Variants in GRID1 observed in about 807,000 individuals in gnomAD.
GRID1 encodes the protein glutamate receptor ionotropic, delta-1.
In GRID1, 28 loss-of-function variants were observed where a neutral mutation model predicts 98.0. That is an observed-to-expected ratio of 0.29 (90% CI 0.21 to 0.39). The LOEUF is 0.39. Ranked by LOEUF, GRID1 falls within the 10% of genes least tolerant of loss-of-function variation. GRID1 has a pLI of 1.00. For missense variants in GRID1, 1,111 were observed against 1,340.5 expected (o/e 0.83, Z 2.67); for synonymous variants, 553 against 538.5 (o/e 1.03, Z -0.37).
At chr10:85,633,605 C>T (rs761594201) in intron 13 of GRID1, among the ~76,000 whole-genome samples, 5 of 152,272 alleles carry the variant, frequency 3.3e-5, no homozygotes, top group Middle Eastern at 3.4e-3. Context: ...TTAATATTAA[C>T]GAACATCCCT....
Position 85,729,576 on chromosome 10 carries a change from G to A in GRID1, c.1272C>T (p.Ser424=). ...GGCTGCCCATGGGCCTCTCTTGCAA[G>A]CTGCCATTCAAGCCCTTCTCTGAGT... ...TWDSEKGLNG[S]LQERPMGSRL... The change falls in exon 9 of 16, where the codon AGC becomes AGT. Residue 424 remains serine, a synonymous_variant. Coordinates refer to ENST00000327946, the MANE Select transcript of GRID1 (RefSeq NM_017551.3). 1 of 1,613,136 alleles carries A rather than the reference G, an allele frequency of 6.2e-7. No homozygotes were observed. Among genetic ancestry groups the A allele is most frequent in the East Asian group, 2.2e-5 (1 of 44,852 alleles).
chr10:86,332,666 T>A (rs1848163726), intron 2 of GRID1, among the ~76,000 whole-genome samples: 2 of 152,076 alleles, frequency 1.3e-5, no homozygotes, highest in Admixed American at 1.3e-4. Flanking sequence ...CCACAGTGAC[T>A]CCCGAAGTGA....
intron 2 of GRID1, among the ~76,000 whole-genome samples, chr10:86,251,350 TAAAAAAAAAA>T (rs61715346): frequency 7.0e-6 from 1 of 142,810 alleles, no homozygotes; most frequent in Admixed American, 6.8e-5. Flanking sequence ...CAATAAATAC[TAAAAAAAAAA>T]AAAAAAAAAA....
intron 4 of GRID1, among the ~76,000 whole-genome samples, chr10:86,043,988 G>A (rs1843384290): frequency 6.6e-6 from 1 of 152,142 alleles, no homozygotes; most frequent in Non-Finnish European, 1.5e-5. Flanking sequence ...ACCTACATGT[G>A]CTCAATAGTA....
rs577585031 is a variant in GRID1, at chr10:85,816,863, T to TC, written c.1233+37632dup. On this transcript the variant is annotated intron_variant, in intron 8 of 15. Coordinates refer to ENST00000327946, the MANE Select transcript of GRID1 (RefSeq NM_017551.3). The stretch of plus-strand genomic sequence containing the variant: ...CTGATCCTCTCCCTCCTTCCACTCT[T>TC]CACCCTCAAGTAGACCCCAGAATCT... Among the ~76,000 whole-genome samples the TC allele has an allele frequency of 2.0e-4, 31 of 152,256 alleles. No homozygotes were observed. The East Asian group carries it at 5.8e-3, about 28-fold the overall frequency.
intron 12 of GRID1, among the ~76,000 whole-genome samples, chr10:85,659,918 T>G (rs1291971816): frequency 6.6e-6 from 1 of 152,220 alleles, no homozygotes; most frequent in Non-Finnish European, 1.5e-5. Flanking sequence ...CAAGTTGAGC[T>G]TGTTGAGCTG....
At chr10:85,733,108 A>G (rs1203697650) in intron 8 of GRID1, among the ~76,000 whole-genome samples, 1 of 152,252 alleles carries the variant, frequency 6.6e-6, no homozygotes, top group African/African-American at 2.4e-5. Context: ...CCATTAAGAC[A>G]TAACATTAGA....
chr10:86,167,778 T>C (rs926635181), intron 3 of GRID1, among the ~76,000 whole-genome samples: 1 of 152,226 alleles, frequency 6.6e-6, no homozygotes, highest in Non-Finnish European at 1.5e-5. Context: ...TCTGCCTTTC[T>C]CACAGAAGCA....
At chr10:86,355,015 G>A (rs1848515338) in intron 2 of GRID1, among the ~76,000 whole-genome samples, 3 of 152,188 alleles carry the variant, frequency 2.0e-5, no homozygotes, top group South Asian at 2.1e-4. Context: ...CCCAGAACAG[G>A]AAGTGAGAGG....
At chr10:86,063,667 A>G (rs1843679371) in intron 4 of GRID1, among the ~76,000 whole-genome samples, 1 of 152,218 alleles carries the variant, frequency 6.6e-6, no homozygotes, top group African/African-American at 2.4e-5. Flanking sequence ...GTGAATATAT[A>G]TTGATATGGA....
At chr10:85,695,900 T>C (rs1438026224) in intron 12 of GRID1, among the ~76,000 whole-genome samples, 1 of 152,172 alleles carries the variant, frequency 6.6e-6, no homozygotes, top group Admixed American at 6.5e-5. Flanking sequence ...GCTTCCTAGC[T>C]ATTATGGACA....
intron 8 of GRID1, among the ~76,000 whole-genome samples, chr10:85,804,364 A>C (rs562269338): frequency 4.8e-4 from 73 of 152,082 alleles, no homozygotes; most frequent in African/African-American, 1.6e-3. Flanking sequence ...TGTAACAATT[A>C]AAGATATTGA....
chr10:85,885,347 G>A (rs1841098003), intron 5 of GRID1, among the ~76,000 whole-genome samples: 1 of 152,204 alleles, frequency 6.6e-6, no homozygotes, highest in Non-Finnish European at 1.5e-5. Flanking sequence ...TGTATATTCA[G>A]CCAGGGTATA....
At chr10:85,800,556 T>C (rs1344469142) in intron 8 of GRID1, among the ~76,000 whole-genome samples, 1 of 152,036 alleles carries the variant, frequency 6.6e-6, no homozygotes, top group Non-Finnish European at 1.5e-5. Context: ...GCTAAATTTA[T>C]AGAATATAGC....
chr10:85,611,014 C>A (rs1564676677), intron 15 of GRID1, among the ~76,000 whole-genome samples: 1 of 152,164 alleles, frequency 6.6e-6, no homozygotes. Context: ...ATGTATTCAT[C>A]ATTTCATAAC....
At chr10:85,892,325 G>A (rs1350684143) in intron 5 of GRID1, among the ~76,000 whole-genome samples, 1 of 150,812 alleles carries the variant, frequency 6.6e-6, no homozygotes, top group African/African-American at 2.4e-5. Flanking sequence ...AGAGAGAAGG[G>A]GATACAGAAA....
chr10:85,798,643 G>C (rs1842546731), intron 8 of GRID1, among the ~76,000 whole-genome samples: 1 of 151,920 alleles, frequency 6.6e-6, no homozygotes, highest in African/African-American at 2.4e-5. Context: ...TATACATACT[G>C]TCTCTTTGCA....
At chr10:86,297,153 T>C (rs553502006) in intron 2 of GRID1, among the ~76,000 whole-genome samples, 13 of 152,168 alleles carry the variant, frequency 8.5e-5, no homozygotes, top group Non-Finnish European at 1.5e-4. Flanking sequence ...AAAGTTATTC[T>C]AAAATCATTT....
chr10:85,871,331 A>C (rs759796276), intron 5 of GRID1, among the ~76,000 whole-genome samples: 13 of 152,294 alleles, frequency 8.5e-5, no homozygotes, highest in South Asian at 6.2e-4. Flanking sequence ...TGGGTACTAA[A>C]CTGGGTATTC....
Sources: gnomAD v4.1 joint callset for allele counts (sites outside exome capture counted in the v4.1 genomes callset) on GRCh38, gnomAD v4.1.1 for gene constraint, MANE v1.5 for transcripts, NCBI Gene and HGNC (gene_info 2026-07-23, HGNC 2026-07-21) for gene names.